ZBTB1: variants seen among roughly 807,000 people sequenced by gnomAD.
The protein encoded by ZBTB1 is zinc finger and BTB domain containing 1.
ZBTB1 carries 13 observed loss-of-function variants against 51.6 expected under a neutral mutation model. That is an observed-to-expected ratio of 0.25 (90% confidence interval 0.16 to 0.40). The LOEUF is 0.40. ZBTB1 is among the 10% of genes least tolerant of loss of function. ZBTB1 has a pLI of 1.00. For synonymous variants in ZBTB1, 240 were observed against 282.2 expected, an observed-to-expected ratio of 0.85 and a Z score of 1.50; for missense variants, 567 against 856.5, an observed-to-expected ratio of 0.66 and a Z score of 4.22.
At position 64,521,817 on chromosome 14, in the gene ZBTB1, C is replaced by A; in HGVS notation, c.313C>A (p.Gln105Lys). 6.2e-7 allele frequency: 1 copy of A among 1,611,602 alleles called. No individual in the cohort carries two copies. The highest frequency in any genetic ancestry group is 8.5e-7 in the Non-Finnish European group (1 of 1,180,026). Reference protein sequence around the residue: ...EQFKVAMNYLQLYNVPDCLED... With the variant: ...EQFKVAMNYLKLYNVPDCLED... The stretch of plus-strand genomic sequence containing the variant: ...GTTTAAAGTGGCAATGAACTACCTA[C>A]AGCTATACAATGTTCCTGACTGTTT... Residue 105 changes from glutamine to lysine, a missense_variant, in exon 2 of 2, where the codon CAG becomes AAG. By Grantham distance (53) the Gln-to-Lys change is moderately conservative (BLOSUM62 1). This residue lies in a region of ZBTB1 where 69 missense variants were observed against 136.4 expected (regional missense o/e 0.51). Transcript: ENST00000683701.
In ZBTB1 at chr14:64,523,917, C is replaced by G. The variant is rs969034936; in HGVS notation, c.*271C>G. The G allele has an allele frequency of 6.3e-6, 7 of 1,117,336 alleles. No homozygotes were observed. In the African/African-American group the frequency reaches 9.9e-5, roughly 16 times the overall value. 69.2% of individuals were successfully genotyped at this position (1,117,336 alleles called of 1,614,324 possible). A position where few individuals can be genotyped will look rare whatever the true frequency, so the allele number is the denominator to read the frequency against. On this transcript the variant is annotated 3_prime_UTR_variant, in exon 2 of 2. Coordinates refer to ENST00000683701, the MANE Select transcript of ZBTB1 (RefSeq NM_001123329.2). The surrounding 1 kb of genome is among the most constrained non-coding windows in gnomAD (Gnocchi z 4.5). ...AAATGTAGACTACAAGTGGTTGTTACCCATTCAATGACTATTAAACTTTAG... is the reference window on the plus strand; with the variant it reads ...AAATGTAGACTACAAGTGGTTGTTAGCCATTCAATGACTATTAAACTTTAG...
intron 1 of ZBTB1, chr14:64,514,240 A>G (rs936912721): frequency 6.6e-6 from 1 of 152,192 alleles, no homozygotes; most frequent in Non-Finnish European, 1.5e-5. Flanking sequence ...AAGGAAACAT[A>G]TATACATAAA....
At chr14:64,525,965 G>A (rs144615923), downstream of ZBTB1, among the ~76,000 whole-genome samples, 1,545 of 152,014 alleles carry the variant, frequency 0.01, 15 homozygotes, top group Non-Finnish European at 0.018. Flanking sequence ...GATTACAGGC[G>A]CATGCCACCA....
intron 1 of ZBTB1, among the ~76,000 whole-genome samples, chr14:64,517,968 G>A (rs749678910): frequency 1.3e-5 from 2 of 150,866 alleles, no homozygotes; most frequent in Non-Finnish European, 3.0e-5. Flanking sequence ...CGAGTAGCTG[G>A]GTTTACAGGC....
chr14:64,531,980 T>C, exon 3 of ZBTB1: 1 of 1,512,864 alleles, frequency 6.6e-7, no homozygotes, highest in East Asian at 2.3e-5. Context: ...ATATCAGATC[T>C]GAAGTGGCAC....
At chr14:64,512,370 A>G (rs1367462149) in intron 1 of ZBTB1, among the ~76,000 whole-genome samples, 6 of 151,982 alleles carry the variant, frequency 3.9e-5, no homozygotes, top group Non-Finnish European at 8.8e-5. Flanking sequence ...GCACAAGGAA[A>G]ACAAAGGCCA....
intron 1 of ZBTB1, among the ~76,000 whole-genome samples, chr14:64,507,540 T>C (rs544413013): frequency 2.6e-5 from 4 of 152,220 alleles, no homozygotes; most frequent in Non-Finnish European, 5.9e-5. Flanking sequence ...ATCACAGCTG[T>C]GTGTGCCTCA....
upstream of ZBTB1, chr14:64,503,716 A>C: frequency 4.7e-6 from 3 of 644,416 alleles, no homozygotes; most frequent in Non-Finnish European, 3.9e-6. Flanking sequence ...GCGGGCTCCC[A>C]AGCCGCGCAC....
rs2079885065 is a variant in ZBTB1 at position 64,524,112 on chromosome 14, CTT to C, written c.*468_*469del. The C allele has an allele frequency of 3.0e-6, 3 of 984,506 alleles. No homozygotes were observed. The highest frequency in any genetic ancestry group is 4.7e-5 in the South Asian group (1 of 21,264). 61.0% of individuals were successfully genotyped at this position (984,506 alleles called of 1,614,324 possible). A position where few individuals can be genotyped will look rare whatever the true frequency, so the allele number is the denominator to read the frequency against. On this transcript the variant is annotated 3_prime_UTR_variant, in exon 2 of 2. Coordinates refer to ENST00000683701, the MANE Select transcript of ZBTB1 (RefSeq NM_001123329.2). ...GTTTGCTTTTAGTGAGTTAACTACTCTTTATTCCCCCTTATTAATGAAATTCA... is the reference window on the plus strand; with the variant it reads ...GTTTGCTTTTAGTGAGTTAACTACTCTATTCCCCCTTATTAATGAAATTCA...
intron 1 of ZBTB1, among the ~76,000 whole-genome samples, chr14:64,513,481 A>C (rs2079748122): frequency 1.3e-5 from 2 of 152,012 alleles, no homozygotes; most frequent in Non-Finnish European, 2.9e-5. Context: ...TACCCTCCTC[A>C]ATTATTTACA....
At chr14:64,517,756 A>AATATATATATATATATATATATATAT (rs71444661) in intron 1 of ZBTB1, among the ~76,000 whole-genome samples, 2 of 60,704 alleles carry the variant, frequency 3.3e-5, no homozygotes, top group African/African-American at 1.3e-4. Context: ...GCCATTTAGA[A>AATATATATATATATATATATATATAT]ATATATATAT....
chr14:64,518,538 G>A (rs543219961), intron 1 of ZBTB1: 24 of 152,218 alleles, frequency 1.6e-4, no homozygotes, highest in African/African-American at 4.3e-4. Flanking sequence ...ATATGTGATC[G>A]CTGAGGAATG....
chr14:64,517,618 CT>C (rs1338844692), intron 1 of ZBTB1, among the ~76,000 whole-genome samples: 1 of 151,166 alleles, frequency 6.6e-6, no homozygotes, highest in Non-Finnish European at 1.5e-5. Context: ...TTTTTTTCAT[CT>C]TTTTTCCCCC....
In ZBTB1 at chr14:64,517,781, A is replaced by ATTTTTTTTTTT. The variant is rs10590459; in HGVS notation, c.-18-3694_-18-3684dup. On this transcript the variant is annotated intron_variant, in intron 1 of 1. Coordinates refer to ENST00000683701, the MANE Select transcript of ZBTB1 (RefSeq NM_001123329.2). ...AATATATATATATATATATATATAT[A>ATTTTTTTTTTT]TTTTTTTTTTTTTTTTTTTTTTGAG... 1.2e-4 allele frequency among the ~76,000 whole-genome samples: 5 copies of ATTTTTTTTTTT among 41,558 alleles called. 1 individual carries two copies. Among genetic ancestry groups the ATTTTTTTTTTT allele is most frequent in the Admixed American group, 3.3e-4 (1 of 3,024 alleles). 27.3% of individuals were successfully genotyped at this position (41,558 alleles called of 152,430 possible). A position where few individuals can be genotyped will look rare whatever the true frequency, so the allele number is the denominator to read the frequency against.
chr14:64,524,722 T>G lies in ZBTB1; in HGVS notation c.*1076T>G. On this transcript the variant is annotated 3_prime_UTR_variant, in exon 2 of 2. Coordinates refer to ENST00000683701, the MANE Select transcript of ZBTB1 (RefSeq NM_001123329.2). ...TACTGTCTAAGATTTGGAGGAAATG[T>G]GGCAAATTGCAGTTTATCGCCATAT... The G allele has an allele frequency of 3.0e-6, 3 of 984,806 alleles. No homozygotes were observed. Among genetic ancestry groups the G allele is most frequent in the Non-Finnish European group, 2.4e-6 (2 of 829,352 alleles). 61.0% of individuals were successfully genotyped at this position (984,806 alleles called of 1,614,324 possible). A position where few individuals can be genotyped will look rare whatever the true frequency, so the allele number is the denominator to read the frequency against.
At chr14:64,530,258 C>T (rs2140191802) in intron 2 of ZBTB1, among the ~76,000 whole-genome samples, 1 of 152,292 alleles carries the variant, frequency 6.6e-6, no homozygotes, top group East Asian at 1.9e-4. Flanking sequence ...TCTATATAAT[C>T]ATTTAAGTGT....
At chr14:64,519,274 G>A (rs568037868) in intron 1 of ZBTB1, among the ~76,000 whole-genome samples, 4 of 150,194 alleles carry the variant, frequency 2.7e-5, no homozygotes, top group Non-Finnish European at 4.4e-5. Context: ...TCAGCCTCCC[G>A]AGTAGCTGGG....
At chr14:64,511,187 T>C (rs2079720923) in intron 1 of ZBTB1, 9 of 152,242 alleles carry the variant, frequency 5.9e-5, no homozygotes, top group Admixed American at 5.9e-4. Flanking sequence ...ATGAATGCCA[T>C]GTGCAATAAG....
downstream of ZBTB1, among the ~76,000 whole-genome samples, chr14:64,527,825 A>G (rs1176475513): frequency 2.0e-5 from 3 of 152,190 alleles, no homozygotes; most frequent in African/African-American, 7.2e-5. Context: ...GCTGAAAAAT[A>G]TATGAACAGG....
Sources: gnomAD v4.1 joint callset for allele counts (sites outside exome capture counted in the v4.1 genomes callset) on GRCh38, gnomAD v4.1.1 for gene constraint, gnomAD v4.1.1 regional missense constraint, Gnocchi (gnomAD v3.1) non-coding constraint, MANE v1.5 for transcripts, NCBI Gene and HGNC (gene_info 2026-07-23, HGNC 2026-07-21) for gene names.